Variants in METTL22 observed in about 807,000 individuals in gnomAD.
METTL22 encodes methyltransferase-like protein 22.
A neutral mutation model predicts 48.4 loss-of-function variants in METTL22; 51 were observed. That is an observed-to-expected ratio of 1.05 (90% CI 0.84 to 1.33). METTL22 has a LOEUF of 1.33. Among genes scored for constraint, METTL22 ranks in the 40% most tolerant of loss-of-function variants. METTL22 has a pLI of 0.00. For missense variants in METTL22, 678 were observed against 526.9 expected (o/e 1.29, Z -2.81); for synonymous variants, 255 against 214.1 (o/e 1.19, Z -1.67).
At position 8,626,761 on chromosome 16, in the gene METTL22, C is replaced by CTTTTTTT. The variant is rs34726811; in HGVS notation, c.133+980_133+986dup. On this transcript the variant is annotated intron_variant, in intron 2 of 10. Coordinates refer to ENST00000381920, the MANE Select transcript of METTL22 (RefSeq NM_024109.4). ...ACCGCATCCAACCCTGTCCTCTACT[C>CTTTTTTT]TTTTTTTTTTTTTTTTTTTTTTTGA... Among the ~76,000 whole-genome samples the CTTTTTTT allele has an allele frequency of 1.7e-4, 9 of 52,536 alleles. 1 individual carries two copies. Among genetic ancestry groups the CTTTTTTT allele is most frequent in the Non-Finnish European group, 1.6e-4 (5 of 30,788 alleles). 34.5% of individuals were successfully genotyped at this position (52,536 alleles called of 152,430 possible).
intron 9 of METTL22, among the ~76,000 whole-genome samples, chr16:8,643,248 G>A (rs2056679774): frequency 6.6e-6 from 1 of 152,206 alleles, no homozygotes; most frequent in South Asian, 2.1e-4. Flanking sequence ...CATATTTATT[G>A]CAGTGTTACT....
the METTL22 span, among the ~76,000 whole-genome samples, chr16:8,657,033 C>G: frequency 6.6e-4 from 100 of 152,294 alleles, 2 homozygotes; most frequent in East Asian, 0.017. Flanking sequence ...CCCTAATCAC[C>G]TCTTAAAAGT....
chr16:8,644,713 C>T lies in METTL22; in HGVS notation c.1167C>T (p.Arg389=), dbSNP rs373603242. Residue 389 remains arginine (R), a synonymous_variant, in exon 10 of 11, where the codon CGC becomes CGT. Transcript: ENST00000381920. ...ASFPQLLVYE[R]LQQLELWKII... is the part of the protein sequence containing the mutation. The stretch of plus-strand genomic sequence containing the variant: ...TCCCACAGCTCCTGGTTTACGAGCG[C>T]CTCCAGCAACTGGTAGGTCCAGGCC... The T allele has an allele frequency of 6.3e-7, 1 of 1,590,256 alleles. No individual in the cohort carries two copies. The highest frequency in any genetic ancestry group is 8.6e-7 in the Non-Finnish European group (1 of 1,167,372).
At chr16:8,636,927 A>G (rs960953211) in intron 5 of METTL22, among the ~76,000 whole-genome samples, 2 of 152,228 alleles carry the variant, frequency 1.3e-5, no homozygotes, top group African/African-American at 4.8e-5. Flanking sequence ...AGCAAGTGCC[A>G]TATGCCCTTC....
the METTL22 span, among the ~76,000 whole-genome samples, chr16:8,657,820 C>CTTTTTT: frequency 1.8e-4 from 25 of 137,326 alleles, no homozygotes; most frequent in South Asian, 7.1e-4. Flanking sequence ...CTTTTCTTTT[C>CTTTTTT]TTTCTTTTTT....
chr16:8,628,832 C>T lies in METTL22; in HGVS notation c.236C>T (p.Ser79Phe). 6.2e-7 allele frequency: 1 copy of T among 1,614,194 alleles called. No individual in the cohort carries two copies. The highest frequency in any genetic ancestry group is 8.5e-7 in the Non-Finnish European group (1 of 1,180,038). Residue 79 changes from serine (S) to phenylalanine (F), a missense_variant, in exon 3 of 11, where the codon TCT (serine) becomes TTT (phenylalanine). By Grantham distance (155) the Ser-to-Phe change is radical. Transcript: ENST00000381920. ...HRDVHTKEPPSAETGSTGSPP... is the reference protein window; with the variant it reads ...HRDVHTKEPPFAETGSTGSPP... ...GATGTTCACACAAAGGAGCCTCCTT[C>T]TGCTGAGACAGGCAGCACAGGGTCC...
chr16:8,635,900 A>G (rs1201055035), intron 5 of METTL22, among the ~76,000 whole-genome samples: 3 of 152,234 alleles, frequency 2.0e-5, no homozygotes, highest in Non-Finnish European at 2.9e-5. Context: ...GATAGCTGAA[A>G]TCAAGCTGCA....
chr16:8,637,246 C>G (rs369261441), intron 5 of METTL22, among the ~76,000 whole-genome samples: 1 of 152,196 alleles, frequency 6.6e-6, no homozygotes. Context: ...CCCTGAGGCA[C>G]TGTTTTCAAA....
intron 5 of METTL22, among the ~76,000 whole-genome samples, chr16:8,637,740 A>C (rs1184418224): frequency 6.6e-6 from 1 of 152,162 alleles, no homozygotes; most frequent in Non-Finnish European, 1.5e-5. Context: ...GGGAGAACGC[A>C]CTCAGGGCAC....
chr16:8,644,956 TA>T, intron 10 of METTL22: 1 of 431,500 alleles, frequency 2.3e-6, no homozygotes, highest in Non-Finnish European at 4.1e-6. Flanking sequence ...CCTTGTCTTT[TA>T]CTTTATAGCA....
In METTL22 at chr16:8,635,229, G is replaced by T. The variant is rs748674109; in HGVS notation, c.617G>T (p.Gly206Val). The change falls in exon 5 of 11, where the codon GGA becomes GTA. Residue 206 changes from glycine (G) to valine (V), a missense_variant. Physicochemically the swap from Gly to Val is moderately radical, Grantham distance 109 (BLOSUM62 -3). Transcript: ENST00000381920. ...CTGTTCCGACAGGACCTCTTCCGAG[G>T]ATGTACAGCGCTGGAGCTCGGGGCC... ...YILFRQDLFR[G>V]CTALELGAGT... is the part of the protein sequence containing the mutation. The T allele has an allele frequency of 6.2e-7, 1 of 1,611,552 alleles. No individual in the cohort carries two copies.
downstream of METTL22, among the ~76,000 whole-genome samples, chr16:8,651,850 A>G (rs1292800831): frequency 6.6e-6 from 1 of 152,124 alleles, no homozygotes; most frequent in Non-Finnish European, 1.5e-5. Flanking sequence ...AACATCACAC[A>G]CCGGGGCCTT....
chr16:8,655,398 C>A, the METTL22 span, among the ~76,000 whole-genome samples: 2 of 152,372 alleles, frequency 1.3e-5, no homozygotes, highest in South Asian at 4.1e-4. Flanking sequence ...TCTCATTTCT[C>A]TGCCATGTGG....
intron 3 of METTL22, among the ~76,000 whole-genome samples, chr16:8,632,743 A>T (rs979239538): frequency 1.3e-5 from 2 of 152,192 alleles, no homozygotes; most frequent in Admixed American, 1.3e-4. Flanking sequence ...CAAAAGAGGA[A>T]ACTGTAGCTC....
At chr16:8,639,426 G>A (rs2056523838) in intron 6 of METTL22, 2 of 538,222 alleles carry the variant, frequency 3.7e-6, no homozygotes, top group Admixed American at 3.1e-5. Flanking sequence ...CCCTGAGCTG[G>A]TCTCCCCAGC....
Position 8,631,135 on chromosome 16 carries a change from A to G in METTL22, c.514+2025A>G, listed in dbSNP as rs556023714. ...GTAAGCAGACGTCATTCGCCTCACA[A>G]CCCTTTTCCTCTGACCCGTAAATCA... On this transcript the variant is annotated intron_variant, in intron 3 of 10. Coordinates refer to ENST00000381920, the MANE Select transcript of METTL22 (RefSeq NM_024109.4). The G allele has an allele frequency of 2.0e-5, 3 of 152,118 alleles. No homozygotes were observed. In the South Asian group the frequency reaches 6.3e-4, roughly 32 times the overall value. 9.4% of individuals were successfully genotyped at this position (152,118 alleles called of 1,614,324 possible).
At chr16:8,663,225 A>AAAAGT in the METTL22 span, among the ~76,000 whole-genome samples, 1 of 123,468 alleles carries the variant, frequency 8.1e-6, no homozygotes, top group Non-Finnish European at 1.6e-5. Flanking sequence ...AAAAAAAAAA[A>AAAAGT]GGTAGCCAAG....
chr16:8,622,645 T>C (rs2055893515), intron 1 of METTL22, among the ~76,000 whole-genome samples: 1 of 152,242 alleles, frequency 6.6e-6, no homozygotes, highest in Non-Finnish European at 1.5e-5. Context: ...TATATTACTA[T>C]AATGATAGTA....
the METTL22 span, among the ~76,000 whole-genome samples, chr16:8,664,439 C>G: frequency 6.6e-6 from 1 of 151,856 alleles, no homozygotes; most frequent in Admixed American, 6.6e-5. Context: ...GCCACCACGC[C>G]CAGCCTACAT....
Sources: gnomAD v4.1 joint callset for allele counts (sites outside exome capture counted in the v4.1 genomes callset) on GRCh38, gnomAD v4.1.1 for gene constraint, MANE v1.5 for transcripts, NCBI Gene and HGNC (gene_info 2026-07-23, HGNC 2026-07-21) for gene names.